The following KCNJ5 variants were observed in gnomAD, a reference collection of about 807,000 sequenced individuals.
The protein encoded by KCNJ5 is G protein-activated inward rectifier potassium channel 4.
Under a neutral mutation model 20.2 loss-of-function variants are expected in KCNJ5, and 12 were observed. That is an observed-to-expected ratio of 0.59 (90% CI 0.38 to 0.96). The LOEUF (loss-of-function observed/expected upper bound fraction) is 0.96. KCNJ5 is among the 40% of genes least tolerant of loss of function. The pLI is 0.00. For missense variants in KCNJ5, 449 were observed against 557.6 expected, an observed-to-expected ratio of 0.81 and a Z score of 1.96; for synonymous variants, 210 against 213.9, an observed-to-expected ratio of 0.98 and a Z score of 0.16.
intron 1 of KCNJ5, among the ~76,000 whole-genome samples, chr11:128,910,439 C>T (rs1321502165): frequency 2.0e-5 from 3 of 152,220 alleles, no homozygotes; most frequent in African/African-American, 7.2e-5. Context: ...AGACTTCACA[C>T]TCAGACGGTA....
At chr11:128,913,013 T>C (rs1944525762) in intron 2 of KCNJ5, among the ~76,000 whole-genome samples, 1 of 152,164 alleles carries the variant, frequency 6.6e-6, no homozygotes, top group East Asian at 1.9e-4. Flanking sequence ...GTCAGATAGC[T>C]CTGGTAATCA....
chr11:128,910,661 C>T (rs907926903), intron 1 of KCNJ5, among the ~76,000 whole-genome samples: 3 of 152,164 alleles, frequency 2.0e-5, no homozygotes, highest in Admixed American at 6.5e-5. Context: ...TTTATCCATC[C>T]AATTACTCAG....
chr11:128,908,591 C>A (rs1199535775), intron 1 of KCNJ5, among the ~76,000 whole-genome samples: 1 of 152,212 alleles, frequency 6.6e-6, no homozygotes, highest in African/African-American at 2.4e-5. Context: ...TTTCCCGTTT[C>A]TAGTACGGCA....
At position 128,911,421 on chromosome 11, in the gene KCNJ5, C is replaced by T. The variant is rs781011854; in HGVS notation, c.148C>T (p.Arg50Cys). Residue 50 changes from arginine to cysteine, a missense_variant, in exon 2 of 3, where the codon CGC becomes TGC. Transcript: ENST00000529694. This position sits in a 1 kb window ranked among gnomAD's most constrained non-coding sequence, Gnocchi z 6.3. ...CCTGCTGGCCGAGGGCAAGAAGCCA[C>T]GCCAGCGCTACATGGAGAAGAGTGG... ...TRLLAEGKKP[R>C]QRYMEKSGKC... 27 of 1,614,244 alleles carry T rather than the reference C, an allele frequency of 1.7e-5. No homozygotes were observed. The highest frequency in any genetic ancestry group is 2.1e-5 in the Non-Finnish European group (25 of 1,180,044).
chr11:128,895,962 C>G (rs143041223), intron 1 of KCNJ5, among the ~76,000 whole-genome samples: 3,281 of 152,280 alleles, frequency 0.022, 115 homozygotes, highest in African/African-American at 0.075. Context: ...CTGCGGCTGT[C>G]CCAGGGCACC....
intron 1 of KCNJ5, among the ~76,000 whole-genome samples, chr11:128,898,744 C>T (rs1456134206): frequency 1.1e-4 from 16 of 152,220 alleles, no homozygotes; most frequent in Admixed American, 2.0e-4. Flanking sequence ...AGTTCAGTGG[C>T]GCAATCTCGG....
intron 1 of KCNJ5, among the ~76,000 whole-genome samples, chr11:128,896,700 G>T (rs1183536087): frequency 1.3e-5 from 2 of 151,902 alleles, no homozygotes; most frequent in East Asian, 1.9e-4. Context: ...AGGTACCATT[G>T]CTTGTTTAAC....
At chr11:128,913,870 T>C (rs1944537864) in intron 2 of KCNJ5, among the ~76,000 whole-genome samples, 3 of 152,166 alleles carry the variant, frequency 2.0e-5, no homozygotes, top group Admixed American at 1.3e-4. Flanking sequence ...CAAGCACACA[T>C]TCCAGCCCCC....
intron 1 of KCNJ5, among the ~76,000 whole-genome samples, chr11:128,892,993 C>A (rs776788049): frequency 4.9e-4 from 75 of 152,326 alleles, no homozygotes; most frequent in Middle Eastern, 3.4e-3. Flanking sequence ...TTTCCACTAA[C>A]AAAAGCTAAT....
rs1221605951 is a variant in KCNJ5 at position 128,911,159 on chromosome 11, C to G, written c.-10-105C>G. ...ATTTCACGCCCTGACCCCTGGATAACAGAAGAGAAGCCTGGGAGAGCCCCG... is the reference window on the plus strand; with the variant it reads ...ATTTCACGCCCTGACCCCTGGATAAGAGAAGAGAAGCCTGGGAGAGCCCCG... On this transcript the variant is annotated intron_variant, in intron 1 of 2. Transcript: ENST00000529694. This position sits in a 1 kb window ranked among gnomAD's most constrained non-coding sequence, Gnocchi z 6.3. The G allele has an allele frequency of 2.5e-5, 22 of 881,962 alleles. 1 individual carries two copies. The highest frequency in any genetic ancestry group is 2.4e-4 in the South Asian group (17 of 70,942). 54.6% of individuals were successfully genotyped at this position (881,962 alleles called of 1,614,324 possible).
intron 1 of KCNJ5, among the ~76,000 whole-genome samples, chr11:128,894,549 T>A (rs1399277782): frequency 2.0e-5 from 3 of 152,258 alleles, no homozygotes; most frequent in Admixed American, 2.0e-4. Flanking sequence ...GAAGGAATCT[T>A]TCTGTGTTTT....
chr11:128,911,741 C>T lies in KCNJ5; in HGVS notation c.468C>T (p.Val156=), dbSNP rs1427294947. The T allele has an allele frequency of 1.9e-6, 3 of 1,614,158 alleles. No individual in the cohort carries two copies. Among genetic ancestry groups the T allele is most frequent in the Non-Finnish European group, 2.5e-6 (3 of 1,179,998 alleles). ...CAACCATTGGGTATGGCTTCCGAGT[C>T]ATCACAGAGAAGTGTCCAGAGGGGA... The part of the protein sequence containing the change: ...TETTIGYGFR[V]ITEKCPEGII... Residue 156 remains valine, a synonymous_variant, in exon 2 of 3, where the codon GTC becomes GTT. Coordinates refer to ENST00000529694, the MANE Select transcript of KCNJ5 (RefSeq NM_000890.5). The surrounding 1 kb of genome is among the most constrained non-coding windows in gnomAD (Gnocchi z 6.3).
At chr11:128,903,559 T>C (rs1276960361) in intron 1 of KCNJ5, 4 of 1,601,758 alleles carry the variant, frequency 2.5e-6, no homozygotes, top group Admixed American at 3.3e-5. Context: ...ATGAAATCAG[T>C]GGCTGCTAGT....
chr11:128,918,600 GCTT>G lies in KCNJ5; in HGVS notation c.*1874_*1876del, dbSNP rs970845689. On this transcript the variant is annotated 3_prime_UTR_variant, in exon 3 of 3. Coordinates refer to ENST00000529694, the MANE Select transcript of KCNJ5 (RefSeq NM_000890.5). ...AGCCTTTTCCTGCCCTGGATATGGC[GCTT>G]CTTCCTGGGAGAGGAGCAGAGCCAC... The G allele has an allele frequency of 6.6e-6, 1 of 152,456 alleles. No homozygotes were observed. Among genetic ancestry groups the G allele is most frequent in the East Asian group, 1.9e-4 (1 of 5,196 alleles). 9.4% of individuals were successfully genotyped at this position (152,456 alleles called of 1,614,324 possible).
chr11:128,904,621 C>G, intron 1 of KCNJ5: 1 of 757,014 alleles, frequency 1.3e-6, no homozygotes, highest in Non-Finnish European at 2.4e-6. Context: ...CCTACAGAAT[C>G]AGAACCCGCA....
chr11:128,895,991 CCTCTCCTGCAT>C (rs1455659583), intron 1 of KCNJ5, among the ~76,000 whole-genome samples: 1 of 152,218 alleles, frequency 6.6e-6, no homozygotes, highest in Non-Finnish European at 1.5e-5. Flanking sequence ...GCCCCAACCA[CCTCTCCTGCAT>C]CTCTTTCAAT....
intron 1 of KCNJ5, among the ~76,000 whole-genome samples, chr11:128,904,880 A>G (rs752009319): frequency 1.3e-5 from 2 of 152,260 alleles, no homozygotes; most frequent in East Asian, 3.8e-4. Context: ...CAGAAATTCA[A>G]AAATAGACAC....
chr11:128,904,545 T>C, intron 1 of KCNJ5: 1 of 1,264,750 alleles, frequency 7.9e-7, no homozygotes, highest in South Asian at 1.2e-5. Flanking sequence ...AGGTGTGCAC[T>C]GAGGACCAGC....
intron 2 of KCNJ5, among the ~76,000 whole-genome samples, chr11:128,913,987 G>A (rs1228479126): frequency 2.0e-5 from 3 of 152,154 alleles, no homozygotes; most frequent in African/African-American, 7.2e-5. Flanking sequence ...AGGGACTGGT[G>A]CCAGAGGTGG....
Sources: gnomAD v4.1 joint callset for allele counts (sites outside exome capture counted in the v4.1 genomes callset) on GRCh38, gnomAD v4.1.1 for gene constraint, Gnocchi (gnomAD v3.1) non-coding constraint, MANE v1.5 for transcripts, NCBI Gene and HGNC (gene_info 2026-07-23, HGNC 2026-07-21) for gene names.